Variants in LRFN5 observed in about 807,000 individuals in gnomAD.
LRFN5 encodes the protein leucine rich repeat and fibronectin type III domain containing 5.
Under a neutral mutation model 45.6 loss-of-function variants are expected in LRFN5, and 24 were observed. The observed-to-expected ratio is 0.53, with a 90% CI of 0.38 to 0.74. The LOEUF (loss-of-function observed/expected upper bound fraction) is 0.74, where lower values mean the gene tolerates loss of function less well. Among genes scored for constraint, LRFN5 ranks in the 30% least tolerant of loss-of-function variants. LRFN5 has a pLI of 0.00. For missense variants in LRFN5, 776 were observed against 861.5 expected (o/e 0.90, Z 1.24); for synonymous variants, 340 against 313.8 (o/e 1.08, Z -0.88).
intron 1 of LRFN5, among the ~76,000 whole-genome samples, chr14:41,631,925 G>A (rs536541872): frequency 2.6e-5 from 4 of 152,154 alleles, no homozygotes; most frequent in African/African-American, 4.8e-5. Context: ...GAGAAGCCAC[G>A]GAGAGTTTTG....
At chr14:41,718,309 C>T (rs909666975) in intron 1 of LRFN5, among the ~76,000 whole-genome samples, 4 of 152,060 alleles carry the variant, frequency 2.6e-5, no homozygotes, top group African/African-American at 4.8e-5. Context: ...TGCACTTCTC[C>T]GTCTTGCAAT....
intron 1 of LRFN5, among the ~76,000 whole-genome samples, chr14:41,733,061 A>C (rs1311600416): frequency 6.6e-6 from 1 of 151,998 alleles, no homozygotes; most frequent in South Asian, 2.1e-4. Flanking sequence ...TAAAAAAAAA[A>C]AACAGATTGA....
chr14:41,755,347 C>G (rs1250377758), intron 1 of LRFN5, among the ~76,000 whole-genome samples: 3 of 152,124 alleles, frequency 2.0e-5, no homozygotes, highest in African/African-American at 7.2e-5. Flanking sequence ...ATTGATCTGT[C>G]TGATGTTGAC....
chr14:41,658,460 C>G (rs1880479792), intron 1 of LRFN5, among the ~76,000 whole-genome samples: 1 of 151,904 alleles, frequency 6.6e-6, no homozygotes, highest in African/African-American at 2.4e-5. Flanking sequence ...TCACTTCTCA[C>G]TTTCTTGAAA....
chr14:41,780,426 A>T (rs1289439128), intron 2 of LRFN5, among the ~76,000 whole-genome samples: 1 of 152,036 alleles, frequency 6.6e-6, no homozygotes, highest in Admixed American at 6.6e-5. Flanking sequence ...TCTCATTACT[A>T]AATGTTCCTC....
intron 2 of LRFN5, among the ~76,000 whole-genome samples, chr14:41,804,699 T>C (rs1159878643): frequency 6.6e-6 from 1 of 152,178 alleles, no homozygotes; most frequent in East Asian, 1.9e-4. Context: ...AAAGGCAAGA[T>C]GGAGGTTGGT....
At chr14:41,855,759 A>C (rs1352097739) in intron 2 of LRFN5, among the ~76,000 whole-genome samples, 1 of 152,214 alleles carries the variant, frequency 6.6e-6, no homozygotes, top group Non-Finnish European at 1.5e-5. Context: ...CACCTATAAC[A>C]ATCCAAACAT....
intron 1 of LRFN5, among the ~76,000 whole-genome samples, chr14:41,734,721 T>C (rs1594657556): frequency 6.6e-6 from 1 of 152,086 alleles, no homozygotes; most frequent in Non-Finnish European, 1.5e-5. Context: ...CTGGTTAGTT[T>C]GTAGATCATT....
At chr14:41,859,132 A>G (rs1221316526) in intron 2 of LRFN5, among the ~76,000 whole-genome samples, 1 of 152,176 alleles carries the variant, frequency 6.6e-6, no homozygotes, top group East Asian at 1.9e-4. Context: ...ACTTCAAGCT[A>G]CCTTTGTCAG....
intron 1 of LRFN5, among the ~76,000 whole-genome samples, chr14:41,749,248 TTGTATTGTCTTATAAAAC>T (rs1296830469): frequency 2.0e-5 from 3 of 152,136 alleles, no homozygotes; most frequent in South Asian, 4.1e-4. Flanking sequence ...CCAGAATATG[TTGTATTGTCTTATAAAAC>T]TGTATTGTCT....
intron 2 of LRFN5, among the ~76,000 whole-genome samples, chr14:41,873,195 A>T (rs1470451509): frequency 6.6e-6 from 1 of 152,198 alleles, no homozygotes. Context: ...TGAGTGAATA[A>T]AACTGCATCT....
At chr14:41,811,779 A>G (rs1183814097) in intron 2 of LRFN5, among the ~76,000 whole-genome samples, 2 of 152,052 alleles carry the variant, frequency 1.3e-5, no homozygotes, top group African/African-American at 4.8e-5. Flanking sequence ...GCTTGGGAGA[A>G]GTAGGGAGTG....
At chr14:41,704,436 C>CTGTGTGTGTGTGTGTGTGTGTGTG (rs1430752309) in intron 1 of LRFN5, among the ~76,000 whole-genome samples, 4 of 89,490 alleles carry the variant, frequency 4.5e-5, no homozygotes, top group African/African-American at 2.2e-4. Context: ...CTCTCTCTCT[C>CTGTGTGTGTGTGTGTGTGTGTGTG]TCTCTCTCTC....
chr14:41,767,485 G>A (rs1224583543), intron 2 of LRFN5, among the ~76,000 whole-genome samples: 1 of 152,100 alleles, frequency 6.6e-6, no homozygotes, highest in African/African-American at 2.4e-5. Context: ...TTGATGTCCA[G>A]TGCTATATAG....
At chr14:41,751,513 C>T (rs1885130537) in intron 1 of LRFN5, among the ~76,000 whole-genome samples, 1 of 152,002 alleles carries the variant, frequency 6.6e-6, no homozygotes, top group Non-Finnish European at 1.5e-5. Flanking sequence ...AATATTCACA[C>T]TTATATTTAG....
At chr14:41,849,639 T>C (rs2139072338) in intron 2 of LRFN5, among the ~76,000 whole-genome samples, 1 of 152,132 alleles carries the variant, frequency 6.6e-6, no homozygotes, top group East Asian at 1.9e-4. Flanking sequence ...ACCATATCTG[T>C]GAAGATTTCT....
chr14:41,709,578 C>T (rs1594635447), intron 1 of LRFN5, among the ~76,000 whole-genome samples: 1 of 151,898 alleles, frequency 6.6e-6, no homozygotes, highest in Non-Finnish European at 1.5e-5. Flanking sequence ...CCTGCCAGTC[C>T]TTTTTATAGC....
chr14:41,628,866 C>T (rs982887788), intron 1 of LRFN5, among the ~76,000 whole-genome samples: 1 of 152,084 alleles, frequency 6.6e-6, no homozygotes, highest in Non-Finnish European at 1.5e-5. Flanking sequence ...GACTCACCTT[C>T]TTTTGTGTCT....
rs1890781296 is a variant in LRFN5, at chr14:41,891,551, G to A, written c.1687G>A (p.Val563Ile). 3.1e-6 allele frequency: 5 copies of A among 1,614,154 alleles called. No individual in the cohort carries two copies. The highest frequency in any genetic ancestry group is 2.5e-6 in the Non-Finnish European group (3 of 1,180,028). ...TTGCAACAATAATGGGCAACACAAGGTCACCAAGGTTAGCAATGTTTATTC... is the reference window on the plus strand; with the variant it reads ...TTGCAACAATAATGGGCAACACAAGATCACCAAGGTTAGCAATGTTTATTC... ...KVCNNNGQHK[V>I]TKVSNVYSQT... Residue 563 changes from valine (V) to isoleucine (I), a missense_variant, in exon 4 of 6, where the codon GTC (valine) becomes ATC (isoleucine). Transcript: ENST00000298119.
Sources: allele counts gnomAD v4.1 joint callset (sites outside exome capture counted in the v4.1 genomes callset), GRCh38; gene constraint gnomAD v4.1.1; transcripts MANE v1.5; gene names NCBI Gene and HGNC (gene_info 2026-07-23, HGNC 2026-07-21).